LDAH: variants seen among roughly 807,000 people sequenced by gnomAD.
LDAH encodes lipid droplet associated hydrolase.
In LDAH, 26 loss-of-function variants were observed where a neutral mutation model predicts 29.6. The ratio of observed to expected loss-of-function variants is 0.88; its 90% CI spans 0.64 to 1.22. The LOEUF (loss-of-function observed/expected upper bound fraction) is 1.22, where lower values mean the gene tolerates loss of function less well. Ranked by LOEUF, LDAH falls within the 50% of genes most tolerant of loss-of-function variation. The pLI, the probability that LDAH is intolerant of heterozygous loss-of-function variation, is 0.00. For synonymous variants in LDAH, 117 were observed against 133.0 expected, an observed-to-expected ratio of 0.88 and a Z score of 0.83; for missense variants, 344 against 387.3, an observed-to-expected ratio of 0.89 and a Z score of 0.94.
Position 20,739,963 on chromosome 2 carries a change from G to C in LDAH, c.703+8C>G. The C allele has an allele frequency of 2.5e-6, 4 of 1,595,780 alleles. No homozygotes were observed. The African/African-American group carries it at 4.0e-5, about 16-fold the overall frequency. On this transcript the variant is annotated splice_region_variant and intron_variant, in intron 5 of 6. Transcript: ENST00000237822. ...AATAAACATACACATTTTAAAATCTGTGCTTACCAAGGCAGAATGGTTCTA... is the reference window on the plus strand; with the variant it reads ...AATAAACATACACATTTTAAAATCTCTGCTTACCAAGGCAGAATGGTTCTA...
intron 5 of LDAH, among the ~76,000 whole-genome samples, chr2:20,704,205 T>A (rs1664151841): frequency 6.6e-6 from 1 of 152,194 alleles, no homozygotes; most frequent in South Asian, 2.1e-4. Context: ...AAGTAGCACT[T>A]TAATCATTCT....
intron 3 of LDAH, among the ~76,000 whole-genome samples, chr2:20,781,500 A>G (rs1670189401): frequency 6.6e-6 from 1 of 152,240 alleles, no homozygotes; most frequent in Admixed American, 6.5e-5. Context: ...ACAATCTTGG[A>G]CAGCAAATAA....
At chr2:20,743,035 T>C (rs1303869830) in intron 4 of LDAH, among the ~76,000 whole-genome samples, 1 of 152,034 alleles carries the variant, frequency 6.6e-6, no homozygotes, top group African/African-American at 2.4e-5. Context: ...AGTGCTGGGA[T>C]TACAGGTGTG....
At chr2:20,752,048 C>T (rs574987587) in intron 4 of LDAH, among the ~76,000 whole-genome samples, 3 of 152,120 alleles carry the variant, frequency 2.0e-5, no homozygotes, top group African/African-American at 7.2e-5. Context: ...TGCGCCACCA[C>T]ACCAGGCTAA....
At chr2:20,740,746 A>G (rs553561) in intron 4 of LDAH, among the ~76,000 whole-genome samples, 60,542 of 152,124 alleles carry the variant, frequency 0.4, 12,771 homozygotes, top group South Asian at 0.65. Context: ...ATAAATGCCC[A>G]TGTGCACTAA....
At chr2:20,801,941 T>A (rs1357709732) in intron 1 of LDAH, among the ~76,000 whole-genome samples, 1 of 148,162 alleles carries the variant, frequency 6.7e-6, no homozygotes, top group Non-Finnish European at 1.5e-5. Context: ...TGTGTGTGTG[T>A]GTGTGTGTGT....
In LDAH at chr2:20,685,558, C is replaced by T. The variant is rs1222908547; in HGVS notation, c.*1345G>A. 6.5e-7 allele frequency: 1 copy of T among 1,550,278 alleles called. No homozygotes were observed. The highest frequency in any genetic ancestry group is 8.7e-7 in the Non-Finnish European group (1 of 1,146,892). ...CATTCAGCACTTACCAATAAGTTGGCAGCAAATCAGAGCCAAATCTTTCAT... is the reference window on the plus strand; with the variant it reads ...CATTCAGCACTTACCAATAAGTTGGTAGCAAATCAGAGCCAAATCTTTCAT... On this transcript the variant is annotated 3_prime_UTR_variant, in exon 7 of 7. Coordinates refer to ENST00000237822, the MANE Select transcript of LDAH (RefSeq NM_021925.4).
At chr2:20,693,834 T>C (rs1383406725) in intron 6 of LDAH, among the ~76,000 whole-genome samples, 1 of 152,216 alleles carries the variant, frequency 6.6e-6, no homozygotes, top group Admixed American at 6.5e-5. Context: ...TAGCACTTCA[T>C]CAACAGCTGT....
intron 4 of LDAH, among the ~76,000 whole-genome samples, chr2:20,773,127 CTAATAA>C (rs1021955987): frequency 1.2e-4 from 19 of 152,016 alleles, no homozygotes; most frequent in African/African-American, 4.6e-4. Flanking sequence ...AGTTATTTCC[CTAATAA>C]TAATAATAGC....
rs889137095 is a variant in LDAH, at chr2:20,684,800, G to A, written c.*2103C>T. ...AACTTTCACAAAGACCATCCATGTG[G>A]TTGACTGGGACATACAGGCAGAGCT... On this transcript the variant is annotated 3_prime_UTR_variant, in exon 7 of 7. Coordinates refer to ENST00000237822, the MANE Select transcript of LDAH (RefSeq NM_021925.4). 5.5e-6 allele frequency: 8 copies of A among 1,457,188 alleles called. No homozygotes were observed. In the African/African-American group the frequency reaches 1.1e-4, roughly 21 times the overall value. 90.3% of individuals were successfully genotyped at this position (1,457,188 alleles called of 1,614,324 possible).
chr2:20,720,200 A>C (rs970085896), intron 5 of LDAH, among the ~76,000 whole-genome samples: 2 of 152,144 alleles, frequency 1.3e-5, no homozygotes, highest in Non-Finnish European at 2.9e-5. Flanking sequence ...ATGATCTTTT[A>C]TTTAGTAAAA....
chr2:20,730,726 T>C (rs537141710), intron 5 of LDAH, among the ~76,000 whole-genome samples: 9 of 144,410 alleles, frequency 6.2e-5, no homozygotes, highest in African/African-American at 2.6e-4. Context: ...CTTCTCTCCT[T>C]CTCCTTCTCC....
chr2:20,783,769 T>C (rs1392051188), intron 3 of LDAH, among the ~76,000 whole-genome samples: 1 of 152,228 alleles, frequency 6.6e-6, no homozygotes, highest in African/African-American at 2.4e-5. Flanking sequence ...TAGAGTGCAG[T>C]GGCATGATCT....
intron 1 of LDAH, among the ~76,000 whole-genome samples, chr2:20,820,279 G>A (rs1277501957): frequency 2.0e-5 from 3 of 152,078 alleles, no homozygotes; most frequent in Admixed American, 6.6e-5. Flanking sequence ...AAGTTCATAT[G>A]GAACCAAAAA....
At position 20,686,460 on chromosome 2, in the gene LDAH, C is replaced by A; in HGVS notation, c.*443G>T. ...ATCCTTGTCATAATCTCATACACTT[C>A]ACATATCTAACTATACTCTTAACAT... On this transcript the variant is annotated 3_prime_UTR_variant, in exon 7 of 7. Coordinates refer to ENST00000237822, the MANE Select transcript of LDAH (RefSeq NM_021925.4). 1 of 154,820 alleles carries A rather than the reference C, an allele frequency of 6.5e-6. No individual in the cohort carries two copies. The highest frequency in any genetic ancestry group is 6.4e-5 in the Admixed American group (1 of 15,536). The allele number at this position is 154,820 out of a possible 1,614,324, so 9.6% of individuals were successfully genotyped here.
chr2:20,685,029 A>G lies in LDAH; in HGVS notation c.*1874T>C. 6.9e-7 allele frequency: 1 copy of G among 1,438,992 alleles called. No homozygotes were observed. The highest frequency in any genetic ancestry group is 1.4e-5 in the South Asian group (1 of 73,126). 89.1% of individuals were successfully genotyped at this position (1,438,992 alleles called of 1,614,324 possible). A position where few individuals can be genotyped will look rare whatever the true frequency, so the allele number is the denominator to read the frequency against. On this transcript the variant is annotated 3_prime_UTR_variant, in exon 7 of 7. Transcript: ENST00000237822. ...CAAATTGTACCCTCTCTTGCCCAAC[A>G]CAGAGATCAGGCCAGACCAGGTCAG...
At chr2:20,742,307 T>C (rs1667237931) in intron 4 of LDAH, among the ~76,000 whole-genome samples, 1 of 152,238 alleles carries the variant, frequency 6.6e-6, no homozygotes, top group Admixed American at 6.5e-5. Context: ...ACGTCAATTA[T>C]ATCAAGTTGA....
chr2:20,726,063 T>C (rs768314461), intron 5 of LDAH, among the ~76,000 whole-genome samples: 4 of 152,234 alleles, frequency 2.6e-5, no homozygotes, highest in Non-Finnish European at 5.9e-5. Flanking sequence ...CTGTTATCTA[T>C]AGTCAAACTC....
chr2:20,813,074 C>G (rs534954996), intron 1 of LDAH, among the ~76,000 whole-genome samples: 1 of 152,258 alleles, frequency 6.6e-6, no homozygotes, highest in African/African-American at 2.4e-5. Flanking sequence ...AGCTCATGTT[C>G]TTTATTTTTA....
Sources: gnomAD v4.1 joint callset for allele counts (sites outside exome capture counted in the v4.1 genomes callset) on GRCh38, gnomAD v4.1.1 for gene constraint, MANE v1.5 for transcripts, NCBI Gene and HGNC (gene_info 2026-07-23, HGNC 2026-07-21) for gene names.